The following TMPRSS5 variants were observed in gnomAD, a reference collection of about 807,000 sequenced individuals.
TMPRSS5 encodes the protein transmembrane protease serine 5.
TMPRSS5 carries 45 observed loss-of-function variants against 59.7 expected under a neutral mutation model. The ratio of observed to expected loss-of-function variants is 0.75; its 90% CI spans 0.59 to 0.97. The LOEUF (loss-of-function observed/expected upper bound fraction) is 0.97, where lower values mean the gene tolerates loss of function less well. TMPRSS5 is among the 50% of genes least tolerant of loss of function. The pLI, the probability that TMPRSS5 is intolerant of heterozygous loss-of-function variation, is 0.00. For synonymous variants in TMPRSS5, 225 were observed against 232.0 expected, an observed-to-expected ratio of 0.97 and a Z score of 0.27; for missense variants, 585 against 596.7, an observed-to-expected ratio of 0.98 and a Z score of 0.20.
chr11:113,690,804 C>A, intron 10 of TMPRSS5, 37 bp downstream of exon 10: 1 of 1,539,362 alleles, frequency 6.5e-7, no homozygotes, highest in South Asian at 1.2e-5. Context: ...GCCTCCCACA[C>A]CCGCCCCTGC....
In TMPRSS5 at chr11:113,695,229, G is replaced by T. The variant is rs115444440; in HGVS notation, c.622+171C>A. ...ATGATGGAGGCTTAGAAAGGGTTCG[G>T]CTGGGGCAGAACAGCAACTGCAAGA... On this transcript the variant is annotated intron_variant, in intron 7 of 12. Transcript: ENST00000299882. 6.9e-3 allele frequency among the ~76,000 whole-genome samples: 1,054 copies of T among 152,272 alleles called. 12 individuals are homozygous for T. Among genetic ancestry groups the T allele is most frequent in the African/African-American group, 0.024 (1,017 of 41,550 alleles).
intron 2 of TMPRSS5, 121 bp from the exon 3 acceptor site, chr11:113,699,814 C>A: frequency 7.2e-7 from 1 of 1,379,754 alleles, no homozygotes. Flanking sequence ...CCTCCTCCTG[C>A]CCCATCAGCC....
At chr11:113,690,059 C>T (rs1411268422) in intron 11 of TMPRSS5, 142 bp from the exon 12 acceptor site, 1 of 1,270,264 alleles carries the variant, frequency 7.9e-7, no homozygotes. Flanking sequence ...CTCACCCCTC[C>T]TTAAACCCTT....
At chr11:113,699,165 G>A (rs569437152) in intron 3 of TMPRSS5, 138 bp from the exon 4 acceptor site, 11 of 824,776 alleles carry the variant, frequency 1.3e-5, no homozygotes, top group Middle Eastern at 3.0e-4. Context: ...CATCTCTCTC[G>A]GCCTCAGCCT....
chr11:113,690,204 C>T (rs1353603984), intron 11 of TMPRSS5, 27 bp downstream of exon 11: 17 of 1,536,960 alleles, frequency 1.1e-5, no homozygotes, highest in Non-Finnish European at 1.5e-5. Flanking sequence ...CCACTCCCAC[C>T]CTCACCCCAG....
intron 4 of TMPRSS5, 126 bp from the exon 5 acceptor site, chr11:113,697,544 C>G: frequency 8.9e-7 from 1 of 1,127,572 alleles, no homozygotes; most frequent in Non-Finnish European, 1.3e-6. Context: ...TCACCCAGTG[C>G]CAAGTTCCCT....
chr11:113,694,389 T>G, intron 8 of TMPRSS5, 89 bp downstream of exon 8: 1 of 1,414,472 alleles, frequency 7.1e-7, no homozygotes. Context: ...TGGAGACAGT[T>G]GGACACGAAC....
chr11:113,695,284 G>T, intron 7 of TMPRSS5, 116 bp downstream of exon 7: 4 of 1,134,448 alleles, frequency 3.5e-6, no homozygotes, highest in Admixed American at 4.0e-5. Context: ...GGGCAGGTGG[G>T]CAAGACCCCT....
In TMPRSS5 at chr11:113,687,979, C is replaced by T. The variant is rs1015678006; in HGVS notation, c.*281G>A. On this transcript the variant is annotated 3_prime_UTR_variant, in exon 13 of 13. Transcript: ENST00000299882. ...CTCCAGCTCCTACCTCTCTCCTCCC[C>T]CTCATCCCTCAGCAACCACAGCATG... 1 of 386,540 alleles carries T rather than the reference C, an allele frequency of 2.6e-6. No individual in the cohort carries two copies. Among genetic ancestry groups the T allele is most frequent in the African/African-American group, 2.1e-5 (1 of 48,272 alleles). 23.9% of individuals were successfully genotyped at this position (386,540 alleles called of 1,614,324 possible).
In TMPRSS5 at chr11:113,699,709, G is replaced by C. The variant is rs1197232952; in HGVS notation, c.107-16C>G. On this transcript the variant is annotated splice_polypyrimidine_tract_variant and intron_variant, in intron 2 of 12. Coordinates refer to ENST00000299882, the MANE Select transcript of TMPRSS5 (RefSeq NM_030770.4). ...GCCTGAGAAACTGTGGGAAAGGGCAGAGGGGTATCTGGGTCCCCTGCTCCT... is the reference window on the plus strand; with the variant it reads ...GCCTGAGAAACTGTGGGAAAGGGCACAGGGGTATCTGGGTCCCCTGCTCCT... 1.3e-6 allele frequency: 2 copies of C among 1,556,840 alleles called. No homozygotes were observed. The highest frequency in any genetic ancestry group is 1.7e-6 in the Non-Finnish European group (2 of 1,149,900).
At chr11:113,695,487 C>T (rs1952903777) in intron 6 of TMPRSS5, 44 bp from the exon 7 acceptor site, 2 of 1,605,320 alleles carry the variant, frequency 1.2e-6, no homozygotes, top group Middle Eastern at 1.7e-4. Context: ...AGGGGCCGCC[C>T]TGCAGCCACA....
chr11:113,688,232 G>C lies in TMPRSS5; in HGVS notation c.*28C>G, dbSNP rs1952659875. 6.3e-7 allele frequency: 1 copy of C among 1,575,128 alleles called. No homozygotes were observed. Among genetic ancestry groups the C allele is most frequent in the Non-Finnish European group, 8.6e-7 (1 of 1,160,654 alleles). ...CCCAGGAAGCATGAGGCAGTGGTGT[G>C]CAGTGAGACTGGAGGAAACAGCAGG... On this transcript the variant is annotated 3_prime_UTR_variant, in exon 13 of 13. Coordinates refer to ENST00000299882, the MANE Select transcript of TMPRSS5 (RefSeq NM_030770.4).
intron 5 of TMPRSS5, 147 bp downstream of exon 5, chr11:113,697,136 T>C: frequency 7.8e-7 from 1 of 1,282,552 alleles, no homozygotes; most frequent in Middle Eastern, 2.6e-4. Flanking sequence ...GGGGCACCAT[T>C]GTGCCCAGAG....
chr11:113,703,870 G>A lies in TMPRSS5; in HGVS notation c.3+2352C>T, dbSNP rs534637180. On this transcript the variant is annotated intron_variant, in intron 1 of 12. Coordinates refer to ENST00000299882, the MANE Select transcript of TMPRSS5 (RefSeq NM_030770.4). Reference sequence around the variant, plus strand: ...GGCTTCCCCAGCCATGCAGAACTATGAGTCAATTAAATCTCTTTCCTTTAT... The same window carrying A: ...GGCTTCCCCAGCCATGCAGAACTATAAGTCAATTAAATCTCTTTCCTTTAT... Among the ~76,000 whole-genome samples the A allele has an allele frequency of 2.0e-5, 3 of 152,336 alleles. No individual in the cohort carries two copies. The East Asian group carries it at 5.8e-4, about 29-fold the overall frequency.
chr11:113,690,452 G>A lies in TMPRSS5; in HGVS notation c.1064-79C>T, dbSNP rs944156375. 1.5e-5 allele frequency: 23 copies of A among 1,524,088 alleles called. No homozygotes were observed. The East Asian group carries it at 1.7e-4, about 11-fold the overall frequency. 94.4% of individuals were successfully genotyped at this position (1,524,088 alleles called of 1,614,324 possible). On this transcript the variant is annotated intron_variant, in intron 10 of 12. Transcript: ENST00000299882. Reference sequence around the variant, plus strand: ...AGAGCAGCAAGAGGGGAGGTAATTCGAAGTCCCAGAGACAGGGAGACCCAA... The same window carrying A: ...AGAGCAGCAAGAGGGGAGGTAATTCAAAGTCCCAGAGACAGGGAGACCCAA...
intron 7 of TMPRSS5, among the ~76,000 whole-genome samples, chr11:113,695,194 G>T: frequency 6.6e-6 from 1 of 152,170 alleles, no homozygotes; most frequent in East Asian, 1.9e-4. Flanking sequence ...ATCTGTGGCT[G>T]GTGAGGGACA....
At chr11:113,703,989 T>C (rs1104693) in intron 1 of TMPRSS5, among the ~76,000 whole-genome samples, 2,663 of 152,280 alleles carry the variant, frequency 0.017, 81 homozygotes, top group African/African-American at 0.062. Context: ...TTACTTCTCA[T>C]TGAGGTGATC....
chr11:113,691,480 A>G (rs1276465915), intron 9 of TMPRSS5, among the ~76,000 whole-genome samples: 1 of 152,142 alleles, frequency 6.6e-6, no homozygotes, highest in African/African-American at 2.4e-5. Flanking sequence ...TCCTCCCACC[A>G]AACAGGAGAC....
chr11:113,691,395 C>T (rs1952775325), intron 9 of TMPRSS5, among the ~76,000 whole-genome samples: 2 of 152,186 alleles, frequency 1.3e-5, no homozygotes, highest in Non-Finnish European at 2.9e-5. Context: ...TTTCAATTCT[C>T]TTTCAGTCCC....
Sources: gnomAD v4.1 joint callset for allele counts (sites outside exome capture counted in the v4.1 genomes callset) on GRCh38, gnomAD v4.1.1 for gene constraint, MANE v1.5 for transcripts, NCBI Gene and HGNC (gene_info 2026-07-23, HGNC 2026-07-21) for gene names.